The following ACOT7 variants were observed in gnomAD, a reference collection of about 807,000 sequenced individuals.
ACOT7 encodes cytosolic acyl coenzyme A thioester hydrolase.
ACOT7 carries 12 observed loss-of-function variants against 40.2 expected under a neutral mutation model. That is an observed-to-expected ratio of 0.30 (90% CI 0.19 to 0.48). The LOEUF (loss-of-function observed/expected upper bound fraction) is 0.48. ACOT7 is among the 20% of genes least tolerant of loss of function. The pLI is 0.99. For synonymous variants in ACOT7, 228 were observed against 219.5 expected (o/e 1.04, Z -0.34); for missense variants, 395 against 530.8 (o/e 0.74, Z 2.51).
chr1:6,331,355 C>T (rs1037052435), intron 4 of ACOT7, among the ~76,000 whole-genome samples: 7 of 152,216 alleles, frequency 4.6e-5, no homozygotes, highest in African/African-American at 9.6e-5. Context: ...GTAAGCAGGC[C>T]GTGCGAAGAT....
chr1:6,270,760 G>T (rs1281308724), intron 8 of ACOT7, among the ~76,000 whole-genome samples: 1 of 152,230 alleles, frequency 6.6e-6, no homozygotes, highest in Non-Finnish European at 1.5e-5. Flanking sequence ...GCATGTGTGT[G>T]TGTCTGTGTG....
intron 6 of ACOT7, among the ~76,000 whole-genome samples, chr1:6,317,683 G>A (rs761108): frequency 0.06 from 9,013 of 150,420 alleles, 780 homozygotes; most frequent in African/African-American, 0.19. Flanking sequence ...GCAGTCATCC[G>A]TTTAATTTTT....
chr1:6,288,323 C>T lies in ACOT7; in HGVS notation c.829+6541G>A, dbSNP rs772581126. On this transcript the variant is annotated intron_variant, in intron 7 of 8. Coordinates refer to ENST00000361521, the MANE Select transcript of ACOT7 (RefSeq NM_007274.4). This position sits in a 1 kb window ranked among gnomAD's most constrained non-coding sequence, Gnocchi z 4.3. ...CTTCCCATTTCCCATGAGATCCAGT[C>T]GCACAGATGAAGCGGTCCTTCCTTC... is the stretch of plus-strand genomic sequence containing the variant. Among the ~76,000 whole-genome samples, 1 of 152,250 alleles carries T rather than the reference C, an allele frequency of 6.6e-6. No homozygotes were observed. Among genetic ancestry groups the T allele is most frequent in the African/African-American group, 2.4e-5 (1 of 41,468 alleles).
In ACOT7 at chr1:6,311,436, C is replaced by T. The variant is rs1053074469; in HGVS notation, c.712+7056G>A. On this transcript the variant is annotated intron_variant, in intron 6 of 8. Coordinates refer to ENST00000361521, the MANE Select transcript of ACOT7 (RefSeq NM_007274.4). The surrounding 1 kb of genome is among the most constrained non-coding windows in gnomAD (Gnocchi z 5.2). ...GACAGGCTGATGTACCACAAAGGTG[C>T]GGTGTTGGGGGTGCCAGCCGGGTCA... Among the ~76,000 whole-genome samples the T allele has an allele frequency of 3.3e-5, 5 of 152,170 alleles. No homozygotes were observed. The highest frequency in any genetic ancestry group is 1.3e-4 in the Admixed American group (2 of 15,280).
chr1:6,392,873 C>A (rs1224212669), intron 1 of ACOT7, among the ~76,000 whole-genome samples: 1 of 152,174 alleles, frequency 6.6e-6, no homozygotes, highest in East Asian at 1.9e-4. Context: ...GACCACGGGG[C>A]TGAGGCTCCG....
In ACOT7 at chr1:6,287,458, G is replaced by C. The variant is rs570695469; in HGVS notation, c.830-6172C>G. On this transcript the variant is annotated intron_variant, in intron 7 of 8. Coordinates refer to ENST00000361521, the MANE Select transcript of ACOT7 (RefSeq NM_007274.4). ...GATAGCGACAGTCCCTGTCTCACTG[G>C]GCTGTGTGAGAAGTAAATGGTATGA... Among the ~76,000 whole-genome samples the C allele has an allele frequency of 7.9e-5, 12 of 152,380 alleles. No individual in the cohort carries two copies. In the South Asian group the frequency reaches 2.5e-3, roughly 32 times the overall value.
intron 8 of ACOT7, among the ~76,000 whole-genome samples, 160 bp downstream of exon 8, chr1:6,280,942 C>T (rs914371548): frequency 1.3e-5 from 2 of 152,196 alleles, no homozygotes; most frequent in African/African-American, 4.8e-5. Context: ...CCCCGCAGCC[C>T]GAGGTCACCG....
intron 4 of ACOT7, among the ~76,000 whole-genome samples, chr1:6,329,200 G>A (rs1640888531): frequency 1.3e-5 from 2 of 152,368 alleles, no homozygotes; most frequent in South Asian, 4.1e-4. Context: ...AAATTGTGCA[G>A]GGTCTCAGCA....
intron 1 of ACOT7, among the ~76,000 whole-genome samples, chr1:6,380,972 T>C (rs1446634410): frequency 6.6e-6 from 1 of 151,788 alleles, no homozygotes; most frequent in East Asian, 1.9e-4. Flanking sequence ...TATTTGCAAA[T>C]CATATATCTG....
At chr1:6,383,218 T>G (rs1195129969) in intron 1 of ACOT7, among the ~76,000 whole-genome samples, 3 of 148,402 alleles carry the variant, frequency 2.0e-5, no homozygotes, top group Admixed American at 2.0e-4. Context: ...GACGGAGTCT[T>G]GCTCTGTTGC....
In ACOT7 at chr1:6,349,850, C is replaced by T; in HGVS notation, c.160G>A (p.Asp54Asn). Residue 54 changes from aspartate to asparagine, a missense_variant, in exon 2 of 9, where the codon GAT (aspartate) becomes AAT (asparagine). Around this residue, in one of 2 missense-constraint regions of ACOT7, gnomAD observed 309 missense variants for 470.3 expected, o/e 0.66. Transcript: ENST00000361521. ...TGGACATTGCCGGCCACGTTGGCAT[C>T]ATCTGGCCGCATGATCCTAGGGCAG... ...IQICRIMRPD[D>N]ANVAGNVHGG... is the part of the protein sequence containing the mutation. 3 of 1,614,134 alleles carry T rather than the reference C, an allele frequency of 1.9e-6. No homozygotes were observed. The highest frequency in any genetic ancestry group is 2.5e-6 in the Non-Finnish European group (3 of 1,180,032).
At position 6,282,672 on chromosome 1, in the gene ACOT7, C is replaced by T. The variant is rs1447172473; in HGVS notation, c.830-1386G>A. ...CAGGCCAGAGGCAAGAGCGGTTATTCCATGTTAAAAAGTATCAGAACGATC... is the reference window on the plus strand; with the variant it reads ...CAGGCCAGAGGCAAGAGCGGTTATTTCATGTTAAAAAGTATCAGAACGATC... On this transcript the variant is annotated intron_variant, in intron 7 of 8. Transcript: ENST00000361521. This position sits in a 1 kb window ranked among gnomAD's most constrained non-coding sequence, Gnocchi z 4.5. 1 of 1,278,654 alleles carries T rather than the reference C, an allele frequency of 7.8e-7. No individual in the cohort carries two copies. Among genetic ancestry groups the T allele is most frequent in the African/African-American group, 1.5e-5 (1 of 65,276 alleles). 79.2% of individuals were successfully genotyped at this position (1,278,654 alleles called of 1,614,324 possible).
intron 1 of ACOT7, among the ~76,000 whole-genome samples, chr1:6,375,000 G>T (rs748559617): frequency 6.6e-6 from 1 of 151,870 alleles, no homozygotes; most frequent in South Asian, 2.1e-4. Flanking sequence ...GAGACAGGCC[G>T]GGCGCGGTGG....
chr1:6,300,880 G>A (rs1639954934), intron 6 of ACOT7, among the ~76,000 whole-genome samples: 1 of 152,146 alleles, frequency 6.6e-6, no homozygotes, highest in South Asian at 2.1e-4. Flanking sequence ...ACCCGATGAG[G>A]CAGCAGCCTC....
rs559378356 is a variant in ACOT7, at chr1:6,299,622, G to A, written c.713-4642C>T. On this transcript the variant is annotated intron_variant, in intron 6 of 8. Transcript: ENST00000361521. The surrounding 1 kb of genome is among the most constrained non-coding windows in gnomAD (Gnocchi z 4.1). ...GGCCCACCCGGCCACCTCCTGACTAGGTACTAGGTCATGGCTTCAGAGAGA... is the reference window on the plus strand; with the variant it reads ...GGCCCACCCGGCCACCTCCTGACTAAGTACTAGGTCATGGCTTCAGAGAGA... 1.6e-4 allele frequency among the ~76,000 whole-genome samples: 24 copies of A among 152,002 alleles called. No individual in the cohort carries two copies. Among genetic ancestry groups the A allele is most frequent in the African/African-American group, 5.6e-4 (23 of 41,356 alleles).
intron 6 of ACOT7, among the ~76,000 whole-genome samples, chr1:6,309,427 T>C (rs967415889): frequency 6.6e-6 from 1 of 152,072 alleles, no homozygotes; most frequent in African/African-American, 2.4e-5. Context: ...CTGCCCTGAG[T>C]CTTTCCGCCT....
chr1:6,354,523 C>T (rs1641684712), intron 1 of ACOT7, among the ~76,000 whole-genome samples: 1 of 152,222 alleles, frequency 6.6e-6, no homozygotes, highest in South Asian at 2.1e-4. Context: ...AGTCTGGATC[C>T]ATCCTGAAAG....
chr1:6,278,481 G>C lies in ACOT7; in HGVS notation c.1014+2621C>G, dbSNP rs1006291804. Reference sequence around the variant, plus strand: ...CGGCACTGGGTGGGCGTGGGCATGGGGGGAGTAGGGAGGAGCCAGCTGGGT... The same window carrying C: ...CGGCACTGGGTGGGCGTGGGCATGGCGGGAGTAGGGAGGAGCCAGCTGGGT... On this transcript the variant is annotated intron_variant, in intron 8 of 8. Coordinates refer to ENST00000361521, the MANE Select transcript of ACOT7 (RefSeq NM_007274.4). This position sits in a 1 kb window ranked among gnomAD's most constrained non-coding sequence, Gnocchi z 4.1. Among the ~76,000 whole-genome samples the C allele has an allele frequency of 3.9e-5, 6 of 152,174 alleles. No individual in the cohort carries two copies. The highest frequency in any genetic ancestry group is 8.8e-5 in the Non-Finnish European group (6 of 68,034).
chr1:6,393,429 G>A lies in ACOT7; in HGVS notation c.-30C>T, dbSNP rs1271662911. On this transcript the variant is annotated 5_prime_UTR_variant, in exon 1 of 9. Transcript: ENST00000361521. The stretch of plus-strand genomic sequence containing the variant: ...GGGGAGGGCAGAGGTGGAGCGATGG[G>A]GCTGGTGAGGCGGGGCCTGCGCGCC... 1 of 1,206,224 alleles carries A rather than the reference G, an allele frequency of 8.3e-7. No homozygotes were observed. The highest frequency in any genetic ancestry group is 4.3e-5 in the South Asian group (1 of 23,438). The allele number at this position is 1,206,224 out of a possible 1,614,324, so 74.7% of individuals were successfully genotyped here.
Sources: allele counts gnomAD v4.1 joint callset (sites outside exome capture counted in the v4.1 genomes callset), GRCh38; gene constraint gnomAD v4.1.1; regional missense constraint gnomAD v4.1.1; non-coding constraint Gnocchi (gnomAD v3.1); transcripts MANE v1.5; gene names NCBI Gene and HGNC (gene_info 2026-07-23, HGNC 2026-07-21).